DCAF6: variants seen among roughly 807,000 people sequenced by gnomAD.
DCAF6 encodes the protein DDB1 and CUL4 associated factor 6, also known as DDB1- and CUL4-associated factor 6.
DCAF6 carries 54 observed loss-of-function variants against 125.1 expected under a neutral mutation model. The ratio of observed to expected loss-of-function variants is 0.43; its 90% CI spans 0.35 to 0.54. The LOEUF (loss-of-function observed/expected upper bound fraction) is 0.54. Ranked by LOEUF, DCAF6 falls within the 20% of genes least tolerant of loss-of-function variation. The pLI is 0.01. For synonymous variants in DCAF6, 371 were observed against 390.4 expected, an observed-to-expected ratio of 0.95 and a Z score of 0.58; for missense variants, 934 against 1,161.7, an observed-to-expected ratio of 0.80 and a Z score of 2.85.
intron 17 of DCAF6, among the ~76,000 whole-genome samples, chr1:168,051,907 G>A (rs1202533809): frequency 6.8e-6 from 1 of 147,320 alleles, no homozygotes; most frequent in Non-Finnish European, 1.5e-5. Context: ...CCAAGATGTA[G>A]CCTTGCTCTG....
At chr1:167,880,423 G>T in the DCAF6 span, 80 of 1,169,706 alleles carry the variant, frequency 6.8e-5, 1 homozygote, top group East Asian at 1.8e-3. Flanking sequence ...CCTGTTCCCT[G>T]CATGCCCTCC....
At chr1:167,980,739 C>A (rs1284794658) in intron 4 of DCAF6, among the ~76,000 whole-genome samples, 1 of 151,862 alleles carries the variant, frequency 6.6e-6, no homozygotes, top group African/African-American at 2.4e-5. Context: ...CAAATATTAA[C>A]CCTTTTTTAG....
At chr1:168,011,150 C>G (rs1684228218) in intron 10 of DCAF6, among the ~76,000 whole-genome samples, 1 of 127,180 alleles carries the variant, frequency 7.9e-6, no homozygotes, top group African/African-American at 3.0e-5. Context: ...TGGAGTCTTG[C>G]TCTGTCACCA....
chr1:167,903,909 G>C, the DCAF6 span: 1 of 1,612,692 alleles, frequency 6.2e-7, no homozygotes, highest in East Asian at 2.2e-5. Flanking sequence ...CACTTATGTG[G>C]TAGTTGAGGA....
chr1:168,045,785 A>G (rs1689088517), intron 16 of DCAF6, among the ~76,000 whole-genome samples: 1 of 152,172 alleles, frequency 6.6e-6, no homozygotes, highest in African/African-American at 2.4e-5. Context: ...ACATGTTTTT[A>G]TAGTTTTTCT....
chr1:168,054,591 G>A (rs1013953880), intron 17 of DCAF6, among the ~76,000 whole-genome samples: 1 of 152,064 alleles, frequency 6.6e-6, no homozygotes, highest in African/African-American at 2.4e-5. Flanking sequence ...CACTTAAAAT[G>A]TTTATTTTTT....
At chr1:167,990,744 T>C (rs758894787) in intron 5 of DCAF6, among the ~76,000 whole-genome samples, 9 of 152,214 alleles carry the variant, frequency 5.9e-5, no homozygotes, top group Non-Finnish European at 1.2e-4. Context: ...GTATTTTCAG[T>C]CTTATATTTG....
chr1:167,996,182 AT>A (rs902789933), intron 7 of DCAF6, among the ~76,000 whole-genome samples: 47 of 149,968 alleles, frequency 3.1e-4, no homozygotes, highest in Non-Finnish European at 4.3e-4. Flanking sequence ...AATTTCTTTC[AT>A]TTTTTTCCCC....
the DCAF6 span, among the ~76,000 whole-genome samples, chr1:167,897,496 C>CA: frequency 4.4e-5 from 6 of 135,918 alleles, no homozygotes; most frequent in East Asian, 2.1e-4. Flanking sequence ...GATTCCATCT[C>CA]AAAAAAAAAT....
chr1:167,960,807 A>G (rs1319403133), intron 2 of DCAF6, among the ~76,000 whole-genome samples: 3 of 152,174 alleles, frequency 2.0e-5, no homozygotes, highest in Non-Finnish European at 4.4e-5. Flanking sequence ...TTCTCCCTTA[A>G]TATGTGTTGG....
At chr1:167,921,680 A>T in the DCAF6 span, among the ~76,000 whole-genome samples, 6 of 152,116 alleles carry the variant, frequency 3.9e-5, no homozygotes, top group Non-Finnish European at 8.8e-5. Context: ...TATTTATGCC[A>T]GTTTTACTTG....
chr1:168,050,816 G>A (rs1689817611), intron 16 of DCAF6, 76 bp from the exon 17 acceptor site: 2 of 780,154 alleles, frequency 2.6e-6, no homozygotes, highest in Non-Finnish European at 3.6e-6. Flanking sequence ...GATAAAAAGG[G>A]TGTCCTTAAT....
chr1:167,950,042 T>G (rs1418617386), intron 1 of DCAF6, among the ~76,000 whole-genome samples: 1 of 152,256 alleles, frequency 6.6e-6, no homozygotes, highest in Non-Finnish European at 1.5e-5. Context: ...CATGTTCTAA[T>G]GTGCAAACGT....
intron 13 of DCAF6, 79 bp from the exon 14 acceptor site, chr1:168,042,946 T>C: frequency 2.9e-6 from 3 of 1,033,436 alleles, no homozygotes; most frequent in Non-Finnish European, 4.3e-6. Context: ...TCTACCTTTC[T>C]AGTTGTAAAA....
chr1:168,028,354 A>G lies in DCAF6; in HGVS notation c.1609+5307A>G, dbSNP rs375220783. On this transcript the variant is annotated intron_variant, in intron 12 of 21. Transcript: ENST00000367840. The stretch of plus-strand genomic sequence containing the variant: ...GAGAACAGTTAACTTTTGAGAGGAT[A>G]TAAGAAAGTAATTTTGTCTGAGTTT... 2.6e-5 allele frequency among the ~76,000 whole-genome samples: 4 copies of G among 152,206 alleles called. No homozygotes were observed. The South Asian group carries it at 6.2e-4, about 24-fold the overall frequency.
At chr1:168,019,529 T>C (rs1685419735) in intron 11 of DCAF6, 1 of 453,984 alleles carries the variant, frequency 2.2e-6, no homozygotes, top group Non-Finnish European at 4.4e-6. Flanking sequence ...AGCCCAACTC[T>C]TTTTTTCCAT....
At chr1:168,075,340 C>G in intron 21 of DCAF6, 31 bp from the exon 22 acceptor site, 1 of 1,567,946 alleles carries the variant, frequency 6.4e-7, no homozygotes, top group Non-Finnish European at 8.6e-7. Flanking sequence ...AAAAGTATTT[C>G]TCTTTGCGAT....
the DCAF6 span, among the ~76,000 whole-genome samples, chr1:167,871,137 G>A: frequency 1.3e-5 from 2 of 151,786 alleles, no homozygotes; most frequent in African/African-American, 4.8e-5. Flanking sequence ...ATTACATTAG[G>A]AAATAAATTT....
the DCAF6 span, among the ~76,000 whole-genome samples, chr1:167,875,792 T>C: frequency 6.6e-6 from 1 of 151,648 alleles, no homozygotes; most frequent in Non-Finnish European, 1.5e-5. Context: ...CTACCAAAAA[T>C]ACAAAAAGAA....
Sources: gnomAD v4.1 joint callset for allele counts (sites outside exome capture counted in the v4.1 genomes callset) on GRCh38, gnomAD v4.1.1 for gene constraint, MANE v1.5 for transcripts, NCBI Gene and HGNC (gene_info 2026-07-23, HGNC 2026-07-21) for gene names.